CABLES1: variants seen among roughly 807,000 people sequenced by gnomAD.
CABLES1 encodes the protein CDK5 and ABL1 enzyme substrate 1.
A neutral mutation model predicts 57.8 loss-of-function variants in CABLES1; 36 were observed. The observed-to-expected ratio is 0.62, with a 90% CI of 0.48 to 0.82. CABLES1 has a LOEUF of 0.82. CABLES1 is among the 40% of genes least tolerant of loss of function. CABLES1 has a pLI of 0.00. For missense variants in CABLES1, 767 were observed against 836.6 expected (o/e 0.92, Z 1.03); for synonymous variants, 374 against 363.0 (o/e 1.03, Z -0.35).
intron 1 of CABLES1, among the ~76,000 whole-genome samples, chr18:23,174,115 C>G (rs540415978): frequency 2.0e-5 from 3 of 152,296 alleles, no homozygotes; most frequent in East Asian, 3.9e-4. Flanking sequence ...CATTCCTCCC[C>G]CTCTCGGATC....
At chr18:23,201,014 G>A (rs147832095) in intron 3 of CABLES1, among the ~76,000 whole-genome samples, 91 of 152,336 alleles carry the variant, frequency 6.0e-4, no homozygotes, top group Non-Finnish European at 4.1e-4. Flanking sequence ...CAGAAGCCTC[G>A]TAGTCAGCCA....
intron 1 of CABLES1, among the ~76,000 whole-genome samples, chr18:23,187,085 C>T (rs2047208300): frequency 6.6e-6 from 1 of 152,230 alleles, no homozygotes; most frequent in African/African-American, 2.4e-5. Context: ...GTCCTGTCTA[C>T]TCATGAACTG....
Position 23,214,021 on chromosome 18 carries a change from C to T in CABLES1, c.1055C>T (p.Ser352Leu). The T allele has an allele frequency of 1.2e-6, 2 of 1,613,096 alleles. No homozygotes were observed. The highest frequency in any genetic ancestry group is 1.7e-6 in the Non-Finnish European group (2 of 1,179,472). ...SGRRSFCSIF[S>L]VLPYRDSTQV... The stretch of plus-strand genomic sequence containing the variant: ...AGAAGATCCTTCTGTAGTATATTTT[C>T]AGTGCTGCCGTATCGCGACAGTACC... Residue 352 changes from serine to leucine, a missense_variant, in exon 4 of 10, where the codon TCA becomes TTA. Around this residue, in one of 4 missense-constraint regions of CABLES1, gnomAD observed 529 missense variants for 622.8 expected, o/e 0.85. Coordinates refer to ENST00000256925, the MANE Select transcript of CABLES1 (RefSeq NM_001100619.3).
chr18:23,204,411 A>G (rs1047514347), intron 3 of CABLES1: 6 of 152,214 alleles, frequency 3.9e-5, no homozygotes, highest in African/African-American at 1.4e-4. Context: ...TTGCGACTGA[A>G]AAGCTCACAG....
chr18:23,143,158 T>G (rs2046868004), intron 1 of CABLES1, among the ~76,000 whole-genome samples: 1 of 152,190 alleles, frequency 6.6e-6, no homozygotes, highest in African/African-American at 2.4e-5. Flanking sequence ...TTTCCTTGTT[T>G]CAGTTTCCAC....
chr18:23,168,384 C>T (rs2047058492), intron 1 of CABLES1, among the ~76,000 whole-genome samples: 1 of 152,198 alleles, frequency 6.6e-6, no homozygotes, highest in Non-Finnish European at 1.5e-5. Context: ...TGTGCCTCCA[C>T]TTCTGTGAGT....
At chr18:23,211,890 A>G (rs1172663104) in intron 3 of CABLES1, among the ~76,000 whole-genome samples, 1 of 152,246 alleles carries the variant, frequency 6.6e-6, no homozygotes, top group Non-Finnish European at 1.5e-5. Context: ...AGGCAAGCCC[A>G]AGGAGCCTGG....
chr18:23,205,640 A>G (rs2047357789), intron 3 of CABLES1, among the ~76,000 whole-genome samples: 1 of 152,188 alleles, frequency 6.6e-6, no homozygotes, highest in Non-Finnish European at 1.5e-5. Flanking sequence ...ATTCACTAAG[A>G]TGAGGTTATA....
intron 1 of CABLES1, among the ~76,000 whole-genome samples, chr18:23,159,640 A>G (rs2046989540): frequency 1.3e-5 from 2 of 152,362 alleles, no homozygotes; most frequent in African/African-American, 2.4e-5. Flanking sequence ...ACACTGCTAA[A>G]TAGATTCCAG....
At position 23,168,409 on chromosome 18, in the gene CABLES1, T is replaced by C. The variant is rs150817903; in HGVS notation, c.846-20429T>C. Among the ~76,000 whole-genome samples the C allele has an allele frequency of 4.5e-4, 69 of 152,304 alleles. 1 individual carries two copies. Among genetic ancestry groups the C allele is most frequent in the African/African-American group, 1.4e-3 (59 of 41,572 alleles). ...CTTCTGTGAGTGGAATCTGCTCGAA[T>C]AGTCAAATTCATAGAGACAGAAAGT... On this transcript the variant is annotated intron_variant, in intron 1 of 9. Coordinates refer to ENST00000256925, the MANE Select transcript of CABLES1 (RefSeq NM_001100619.3).
rs573625256 is a variant in CABLES1 at position 23,227,674 on chromosome 18, C to G, written c.1089-6934C>G. ...CAGCTGCACTGTATCGGAAGGGCAA[C>G]AAACGGGACTCTTAAGCTAAGGGGA... On this transcript the variant is annotated intron_variant, in intron 4 of 9. Transcript: ENST00000256925. 2.6e-5 allele frequency among the ~76,000 whole-genome samples: 4 copies of G among 152,282 alleles called. No individual in the cohort carries two copies. The East Asian group carries it at 7.7e-4, about 29-fold the overall frequency.
chr18:23,213,387 T>C (rs1399674359), intron 3 of CABLES1, among the ~76,000 whole-genome samples: 1 of 152,172 alleles, frequency 6.6e-6, no homozygotes, highest in Middle Eastern at 3.2e-3. Context: ...TTAAGTGGCT[T>C]TTGATTGCAT....
chr18:23,234,567 C>G lies in CABLES1; in HGVS notation c.1089-41C>G, dbSNP rs778228925. On this transcript the variant is annotated intron_variant, in intron 4 of 9. Coordinates refer to ENST00000256925, the MANE Select transcript of CABLES1 (RefSeq NM_001100619.3). ...AGCATCCTCATGGCTCTTTGAGGTG[C>G]ACACAAAAGCATTTTTTTTTCCTCT... 5.5e-6 allele frequency: 8 copies of G among 1,463,402 alleles called. No homozygotes were observed. In the Admixed American group the frequency reaches 1.2e-4, roughly 22 times the overall value. 90.7% of individuals were successfully genotyped at this position (1,463,402 alleles called of 1,614,324 possible).
intron 3 of CABLES1, chr18:23,197,414 ACT>A (rs1257415480): frequency 1.3e-5 from 2 of 149,286 alleles, no homozygotes; most frequent in Non-Finnish European, 2.9e-5. Flanking sequence ...TTCTGTAAAA[ACT>A]CTCTTCATCT....
intron 1 of CABLES1, among the ~76,000 whole-genome samples, chr18:23,171,738 G>C (rs558260406): frequency 6.6e-6 from 1 of 152,176 alleles, no homozygotes; most frequent in South Asian, 2.1e-4. Flanking sequence ...CTGCTCATAG[G>C]TCACTCACCC....
At chr18:23,195,223 A>G (rs2047273638) in intron 3 of CABLES1, among the ~76,000 whole-genome samples, 2 of 152,208 alleles carry the variant, frequency 1.3e-5, no homozygotes, top group African/African-American at 4.8e-5. Context: ...CATTCATCTC[A>G]GCTCCAATGG....
chr18:23,242,876 A>G (rs113142374), intron 7 of CABLES1, among the ~76,000 whole-genome samples: 101 of 152,258 alleles, frequency 6.6e-4, no homozygotes, highest in Middle Eastern at 3.4e-3. Flanking sequence ...GGAATGTATC[A>G]TAGAACTTAA....
At position 23,243,787 on chromosome 18, in the gene CABLES1, G is replaced by T. The variant is rs192684564; in HGVS notation, c.1446+6542G>T. On this transcript the variant is annotated intron_variant, in intron 7 of 9. Coordinates refer to ENST00000256925, the MANE Select transcript of CABLES1 (RefSeq NM_001100619.3). ...CTCAGGAGGCTGAGGCAGGAGAATC[G>T]CTTGAACCCGGGAGGCAGAGGTTGC... Among the ~76,000 whole-genome samples the T allele has an allele frequency of 1.1e-3, 159 of 150,412 alleles. 1 individual carries two copies. Among genetic ancestry groups the T allele is most frequent in the African/African-American group, 3.9e-3 (158 of 40,906 alleles).
intron 1 of CABLES1, among the ~76,000 whole-genome samples, chr18:23,178,482 A>C (rs921224368): frequency 2.0e-5 from 3 of 152,140 alleles, no homozygotes; most frequent in Non-Finnish European, 4.4e-5. Context: ...ATGTACCTTC[A>C]TGGCGGCCAG....
Sources: gnomAD v4.1 joint callset for allele counts (sites outside exome capture counted in the v4.1 genomes callset) on GRCh38, gnomAD v4.1.1 for gene constraint, gnomAD v4.1.1 regional missense constraint, MANE v1.5 for transcripts, NCBI Gene and HGNC (gene_info 2026-07-23, HGNC 2026-07-21) for gene names.